PLEKHM2: variants seen among roughly 807,000 people sequenced by gnomAD.
PLEKHM2 encodes the protein pleckstrin homology domain-containing family M member 2.
PLEKHM2 carries 77 observed loss-of-function variants against 116.3 expected under a neutral mutation model. The ratio of observed to expected loss-of-function variants is 0.66; its 90% confidence interval spans 0.55 to 0.80. The LOEUF is 0.80. PLEKHM2 is among the 30% of genes least tolerant of loss of function. The pLI is 0.00. For synonymous variants in PLEKHM2, 562 were observed against 571.0 expected (o/e 0.98, Z 0.22); for missense variants, 1,183 against 1,354.9 (o/e 0.87, Z 1.99).
At position 15,730,636 on chromosome 1, in the gene PLEKHM2, C is replaced by T; in HGVS notation, c.2313C>T (p.Thr771=). 1 of 1,609,718 alleles carries T rather than the reference C, an allele frequency of 6.2e-7. No individual in the cohort carries two copies. ...GCCACTGCTCACCCCCCGAGGGCACCATCACCAAAGAAGGCATGCTGCACT... is the reference window on the plus strand; with the variant it reads ...GCCACTGCTCACCCCCCGAGGGCACTATCACCAAAGAAGGCATGCTGCACT... ...TPCHCSPPEG[T]ITKEGMLHYK... The change falls in exon 15 of 20, where the codon ACC becomes ACT. Residue 771 remains threonine, a synonymous_variant. Coordinates refer to ENST00000375799, the MANE Select transcript of PLEKHM2 (RefSeq NM_015164.4).
At chr1:15,683,748 G>C (rs949366926), upstream of PLEKHM2, among the ~76,000 whole-genome samples, 1 of 149,708 alleles carries the variant, frequency 6.7e-6, no homozygotes, top group Non-Finnish European at 1.5e-5. Context: ...CCTGGAGTCT[G>C]AGGGTGTCTC....
Position 15,718,642 on chromosome 1 carries a change from CT to C in PLEKHM2, c.465+18del. The stretch of plus-strand genomic sequence containing the variant: ...CTGGATCTGGTGAGACACCAGGGCT[CT>C]CACTGCTTGTGGGAAGCAGAGGAGG... On this transcript the variant is annotated intron_variant, in intron 5 of 19. Coordinates refer to ENST00000375799, the MANE Select transcript of PLEKHM2 (RefSeq NM_015164.4). 2 of 1,371,538 alleles carry C rather than the reference CT, an allele frequency of 1.5e-6. No individual in the cohort carries two copies. Among genetic ancestry groups the C allele is most frequent in the Non-Finnish European group, 2.0e-6 (2 of 998,496 alleles). The allele number at this position is 1,371,538 out of a possible 1,614,324, so 85.0% of individuals were successfully genotyped here.
At chr1:15,717,776 C>A (rs1214695084) in intron 3 of PLEKHM2, 117 bp from the exon 4 acceptor site, 3 of 666,784 alleles carry the variant, frequency 4.5e-6, no homozygotes, top group Non-Finnish European at 8.1e-6. Context: ...AGCACAAAGG[C>A]CACTGAAGTG....
intron 1 of PLEKHM2, among the ~76,000 whole-genome samples, chr1:15,700,172 C>T (rs1030821927): frequency 6.6e-6 from 1 of 152,158 alleles, no homozygotes; most frequent in Non-Finnish European, 1.5e-5. Flanking sequence ...AGCCCCATCG[C>T]TGAAGCCCTG....
At chr1:15,717,650 G>A (rs74054832) in intron 3 of PLEKHM2, among the ~76,000 whole-genome samples, 1,942 of 152,264 alleles carry the variant, frequency 0.013, 41 homozygotes, top group African/African-American at 0.042. Flanking sequence ...GAGTCCTGGC[G>A]TTTCTTGACC....
At chr1:15,682,133 A>T (rs79932206), upstream of PLEKHM2, among the ~76,000 whole-genome samples, 1 of 152,056 alleles carries the variant, frequency 6.6e-6, no homozygotes. Flanking sequence ...TTCAAGCTAC[A>T]GTGAGCTATG....
At chr1:15,688,221 A>G (rs543361154) in intron 1 of PLEKHM2, among the ~76,000 whole-genome samples, 1 of 152,344 alleles carries the variant, frequency 6.6e-6, no homozygotes, top group African/African-American at 2.4e-5. Context: ...GATGGTGAAT[A>G]CCCATTATAA....
At chr1:15,706,761 C>A (rs1279806131) in intron 1 of PLEKHM2, among the ~76,000 whole-genome samples, 1 of 152,114 alleles carries the variant, frequency 6.6e-6, no homozygotes, top group South Asian at 2.1e-4. Context: ...GATTTCCACA[C>A]CCTGCTTCAT....
chr1:15,703,522 G>A (rs368847072), intron 1 of PLEKHM2, among the ~76,000 whole-genome samples: 3 of 152,326 alleles, frequency 2.0e-5, no homozygotes, highest in South Asian at 2.1e-4. Flanking sequence ...AAGGAAGGAC[G>A]TCACTTGGAA....
intron 1 of PLEKHM2, among the ~76,000 whole-genome samples, chr1:15,698,847 C>T (rs58801427): frequency 0.16 from 24,448 of 152,068 alleles, 3,672 homozygotes; most frequent in African/African-American, 0.4. Flanking sequence ...CTGTGCCTGG[C>T]CAACATTTTT....
chr1:15,697,412 G>C lies in PLEKHM2; in HGVS notation c.60+12794G>C, dbSNP rs370044883. On this transcript the variant is annotated intron_variant, in intron 1 of 19. Transcript: ENST00000375799. ...GTCCCTCCGTAAGAAGTCAATCCCTGTGCTGAGTTCTCAGCCAGAGTAATC... is the reference window on the plus strand; with the variant it reads ...GTCCCTCCGTAAGAAGTCAATCCCTCTGCTGAGTTCTCAGCCAGAGTAATC... 2.2e-4 allele frequency among the ~76,000 whole-genome samples: 33 copies of C among 152,288 alleles called. No homozygotes were observed. The South Asian group carries it at 6.0e-3, about 28-fold the overall frequency.
At chr1:15,701,822 C>G (rs1244387378) in intron 1 of PLEKHM2, among the ~76,000 whole-genome samples, 1 of 151,894 alleles carries the variant, frequency 6.6e-6, no homozygotes. Flanking sequence ...CCCAGCCTGC[C>G]TGCCTCACTT....
chr1:15,695,652 C>T (rs1640979703), intron 1 of PLEKHM2, among the ~76,000 whole-genome samples: 1 of 152,106 alleles, frequency 6.6e-6, no homozygotes, highest in Admixed American at 6.6e-5. Flanking sequence ...GCTGGGATTA[C>T]AGATGCCCAT....
In PLEKHM2 at chr1:15,728,036, G is replaced by A. The variant is rs376295228; in HGVS notation, c.1761-43G>A. On this transcript the variant is annotated intron_variant, in intron 9 of 19. Coordinates refer to ENST00000375799, the MANE Select transcript of PLEKHM2 (RefSeq NM_015164.4). This position sits in a 1 kb window ranked among gnomAD's most constrained non-coding sequence, Gnocchi z 5.9. The stretch of plus-strand genomic sequence containing the variant: ...GGGGTGGGGTGTGGCCTCTCTCACC[G>A]CTGCCTGCCTGACATCTCGCCCTCC... 71 of 1,523,020 alleles carry A rather than the reference G, an allele frequency of 4.7e-5. No individual in the cohort carries two copies. The highest frequency in any genetic ancestry group is 1.7e-4 in the Middle Eastern group (1 of 5,914). The allele number at this position is 1,523,020 out of a possible 1,614,324, so 94.3% of individuals were successfully genotyped here. A position where few individuals can be genotyped will look rare whatever the true frequency, so the allele number is the denominator to read the frequency against.
chr1:15,720,149 T>TAA (rs1553160239), intron 6 of PLEKHM2, among the ~76,000 whole-genome samples: 2,298 of 118,624 alleles, frequency 0.019, 32 homozygotes, highest in Non-Finnish European at 0.024. Context: ...TATATATATA[T>TAA]AAAATATATA....
At chr1:15,718,726 C>A in intron 5 of PLEKHM2, 101 bp downstream of exon 5, 1 of 735,758 alleles carries the variant, frequency 1.4e-6, no homozygotes. Flanking sequence ...GTTGAGGGAG[C>A]TTGTTGAGTA....
rs7519899 is a variant in PLEKHM2 at position 15,719,084 on chromosome 1, A to G, written c.465+459A>G. Among the ~76,000 whole-genome samples, 54,227 of 151,972 alleles carry G rather than the reference A, an allele frequency of 0.36. 12,380 individuals carry two copies. Among genetic ancestry groups the G allele is most frequent in the African/African-American group, 0.65 (26,766 of 41,430 alleles). ...GTACAAATGGGATGCTGGCCCACAT[A>G]GAGCCAAAGAGGCTCCCAGGCACCT... On this transcript the variant is annotated intron_variant, in intron 5 of 19. Transcript: ENST00000375799. The surrounding 1 kb of genome is among the most constrained non-coding windows in gnomAD (Gnocchi z 4.1).
In PLEKHM2 at chr1:15,731,195, C is replaced by G. The variant is rs1232641899; in HGVS notation, c.2403C>G (p.Asn801Lys). Residue 801 changes from asparagine to lysine, a missense_variant, in exon 16 of 20, where the codon AAC becomes AAG. This residue lies in a region of PLEKHM2 where 594 missense variants were observed against 720.1 expected (regional missense o/e 0.82). Transcript: ENST00000375799. ...GCCCTGTGTTGTGCCCCTGCAGCAA[C>G]GGGATCCTCTACCAGTACCCGGACC... ...HWKTCFVVLSNGILYQYPDRT... is the reference protein window; with the variant it reads ...HWKTCFVVLSKGILYQYPDRT... 1 of 1,595,496 alleles carries G rather than the reference C, an allele frequency of 6.3e-7. No individual in the cohort carries two copies. The highest frequency in any genetic ancestry group is 2.3e-5 in the East Asian group (1 of 44,026).
chr1:15,686,085 A>T (rs1361286987), intron 1 of PLEKHM2, among the ~76,000 whole-genome samples: 1 of 152,224 alleles, frequency 6.6e-6, no homozygotes, highest in Non-Finnish European at 1.5e-5. Context: ...GGCAGTAGAC[A>T]TGGGGCACGC....
Sources: gnomAD v4.1 joint callset for allele counts (sites outside exome capture counted in the v4.1 genomes callset) on GRCh38, gnomAD v4.1.1 for gene constraint, gnomAD v4.1.1 regional missense constraint, Gnocchi (gnomAD v3.1) non-coding constraint, MANE v1.5 for transcripts, NCBI Gene and HGNC (gene_info 2026-07-23, HGNC 2026-07-21) for gene names.